The following ADCY9 variants were observed in gnomAD, a reference collection of about 807,000 sequenced individuals.
ADCY9 encodes the protein adenylate cyclase 9.
Under a neutral mutation model 101.5 loss-of-function variants are expected in ADCY9, and 50 were observed. The observed-to-expected ratio is 0.49, with a 90% confidence interval of 0.39 to 0.62. The LOEUF is 0.62. ADCY9 is among the 20% of genes least tolerant of loss of function. The pLI, the probability that ADCY9 is intolerant of heterozygous loss-of-function variation, is 0.00. For missense variants in ADCY9, 1,662 were observed against 1,800.4 expected (o/e 0.92, Z 1.39); for synonymous variants, 905 against 769.3 (o/e 1.18, Z -2.92).
At chr16:4,113,523 G>A (rs2057127001) in intron 2 of ADCY9, among the ~76,000 whole-genome samples, 1 of 152,096 alleles carries the variant, frequency 6.6e-6, no homozygotes, top group African/African-American at 2.4e-5. Context: ...TCCTTCTAAA[G>A]GTCGCGTCTA....
downstream of ADCY9, chr16:3,962,594 C>A (rs1054705601): frequency 6.6e-6 from 1 of 152,110 alleles, no homozygotes; most frequent in Non-Finnish European, 1.5e-5. Flanking sequence ...CAAGGAAGAC[C>A]GCCCTCCTCT....
chr16:4,006,907 C>G (rs2056370924), intron 3 of ADCY9, among the ~76,000 whole-genome samples: 1 of 152,106 alleles, frequency 6.6e-6, no homozygotes, highest in African/African-American at 2.4e-5. Flanking sequence ...TGAGCTGTGT[C>G]CTAGGATTCA....
chr16:4,048,680 C>A (rs2056681690), intron 2 of ADCY9, among the ~76,000 whole-genome samples: 1 of 152,140 alleles, frequency 6.6e-6, no homozygotes, highest in African/African-American at 2.4e-5. Flanking sequence ...TGCCCCACTC[C>A]CTTCTTTCCC....
chr16:4,038,784 C>T (rs1253704838), intron 2 of ADCY9, among the ~76,000 whole-genome samples: 1 of 152,042 alleles, frequency 6.6e-6, no homozygotes, highest in African/African-American at 2.4e-5. Flanking sequence ...TTTCCCTCAC[C>T]ATCAAGCCCT....
chr16:3,962,211 G>A (rs2055944352), downstream of ADCY9, among the ~76,000 whole-genome samples: 1 of 152,016 alleles, frequency 6.6e-6, no homozygotes, highest in African/African-American at 2.4e-5. Context: ...GATTCTGAAG[G>A]GGCTTTGTGA....
intron 3 of ADCY9, among the ~76,000 whole-genome samples, chr16:4,005,443 G>A (rs2056360726): frequency 6.6e-6 from 1 of 152,128 alleles, no homozygotes; most frequent in Non-Finnish European, 1.5e-5. Context: ...TGACCAGGCT[G>A]GTCTGGAAAT....
intron 2 of ADCY9, among the ~76,000 whole-genome samples, chr16:4,111,407 C>T (rs2057113081): frequency 6.6e-6 from 1 of 152,166 alleles, no homozygotes; most frequent in Non-Finnish European, 1.5e-5. Flanking sequence ...CCTCAGCCTC[C>T]CGTAATACCC....
intron 2 of ADCY9, among the ~76,000 whole-genome samples, chr16:4,057,310 G>A (rs2056746545): frequency 6.6e-6 from 1 of 151,878 alleles, no homozygotes; most frequent in Non-Finnish European, 1.5e-5. Flanking sequence ...CAGCTTTATT[G>A]AGATATAATT....
downstream of ADCY9, among the ~76,000 whole-genome samples, chr16:3,958,313 G>C (rs981524145): frequency 6.6e-6 from 1 of 152,052 alleles, no homozygotes. Flanking sequence ...AGCCTGAGGC[G>C]GGCAGATCAC....
chr16:3,978,460 C>A (rs531796691), intron 8 of ADCY9, among the ~76,000 whole-genome samples: 1 of 152,354 alleles, frequency 6.6e-6, no homozygotes, highest in Admixed American at 6.5e-5. Context: ...CAAGTCAATT[C>A]TGTGTGCCAG....
chr16:3,957,853 C>T (rs576174977), downstream of ADCY9, among the ~76,000 whole-genome samples: 9 of 152,192 alleles, frequency 5.9e-5, no homozygotes, highest in African/African-American at 1.2e-4. Flanking sequence ...ACATCCTTCC[C>T]GATCCTGTTT....
intron 3 of ADCY9, among the ~76,000 whole-genome samples, chr16:4,001,485 G>C (rs2056330326): frequency 6.6e-6 from 1 of 152,174 alleles, no homozygotes; most frequent in African/African-American, 2.4e-5. Flanking sequence ...GGCTCACCTG[G>C]ATCATTTGGT....
chr16:3,965,950 T>C lies in ADCY9; in HGVS notation c.3887A>G (p.Asp1296Gly). 2 of 1,614,184 alleles carry C rather than the reference T, an allele frequency of 1.2e-6. No homozygotes were observed. Among genetic ancestry groups the C allele is most frequent in the Non-Finnish European group, 8.5e-7 (1 of 1,180,030 alleles). The change falls in exon 11 of 11, where the codon GAC (aspartate) becomes GGC (glycine). Residue 1296 changes from aspartate (D) to glycine (G), a missense_variant. By Grantham distance (94) the Asp-to-Gly change is moderately conservative (BLOSUM62 -1). Coordinates refer to ENST00000294016, the MANE Select transcript of ADCY9 (RefSeq NM_001116.4). ...GGCATCCTTGGCCTGCGTGCTGCTG[T>C]CAGAACCCAGAGATGTCTTGTCCAC... ...QYVDKTSLGS[D>G]SSTQAKDAHL...
rs1002492265 is a variant in ADCY9, at chr16:4,116,425, G to A, written c.-779C>T. Among the ~76,000 whole-genome samples, 201 of 146,032 alleles carry A rather than the reference G, an allele frequency of 1.4e-3. No individual in the cohort carries two copies. The highest frequency in any genetic ancestry group is 0.012 in the Admixed American group (180 of 14,762). The stretch of plus-strand genomic sequence containing the variant: ...GCCGCCGCCACCATCTCCGGCCCCT[G>A]CCCCGCCCGCTGTCACTGACAGACG... On this transcript the variant is annotated 5_prime_UTR_variant, in exon 1 of 11. Transcript: ENST00000294016.
At chr16:4,110,240 G>A (rs77096739) in intron 2 of ADCY9, among the ~76,000 whole-genome samples, 3,084 of 152,316 alleles carry the variant, frequency 0.02, 47 homozygotes, top group Non-Finnish European at 0.03. Context: ...AGGGTGAGCC[G>A]GTGGCAGGAA....
At chr16:3,973,472 G>A (rs761971894) in intron 10 of ADCY9, among the ~76,000 whole-genome samples, 2 of 152,118 alleles carry the variant, frequency 1.3e-5, no homozygotes, top group Non-Finnish European at 2.9e-5. Context: ...CTCCCAAAGT[G>A]CTGGAATTAC....
intron 2 of ADCY9, among the ~76,000 whole-genome samples, chr16:4,070,144 G>GTA (rs2056825099): frequency 6.8e-6 from 1 of 147,428 alleles, no homozygotes; most frequent in African/African-American, 2.5e-5. Context: ...GTGTGTGTGT[G>GTA]TACTTTTAAG....
chr16:3,983,833 G>A (rs1271691152), intron 6 of ADCY9: 1 of 193,192 alleles, frequency 5.2e-6, no homozygotes, highest in Non-Finnish European at 1.1e-5. Context: ...GATGACGCAG[G>A]AGGATTGTGT....
At position 3,993,442 on chromosome 16, in the gene ADCY9, T is replaced by C; in HGVS notation, c.1953A>G (p.Gln651=). 1 of 1,614,234 alleles carries C rather than the reference T, an allele frequency of 6.2e-7. No homozygotes were observed. The highest frequency in any genetic ancestry group is 8.5e-7 in the Non-Finnish European group (1 of 1,180,026). ...TTTTATGCTCGTCTTGGCAGCCGTT[T>C]TGAGGTGCTCCTCCCTCGGCGCCGG... ...SEAGAEGGAP[Q]NGCQDEHKNS... Residue 651 remains glutamine, a synonymous_variant, in exon 4 of 11, where the codon CAA becomes CAG. Transcript: ENST00000294016.
Sources: allele counts gnomAD v4.1 joint callset (sites outside exome capture counted in the v4.1 genomes callset), GRCh38; gene constraint gnomAD v4.1.1; transcripts MANE v1.5; gene names NCBI Gene and HGNC (gene_info 2026-07-23, HGNC 2026-07-21).